Variants in CNOT4 observed in about 807,000 individuals in gnomAD.
CNOT4 encodes the protein CCR4-associated factor 4.
CNOT4 carries 8 observed loss-of-function variants against 73.8 expected under a neutral mutation model. That is an observed-to-expected ratio of 0.11 (90% CI 0.06 to 0.20). The LOEUF (loss-of-function observed/expected upper bound fraction) is 0.20. Ranked by LOEUF, CNOT4 falls within the 10% of genes least tolerant of loss-of-function variation. CNOT4 has a pLI of 1.00. For missense variants in CNOT4, 564 were observed against 883.4 expected (o/e 0.64, Z 4.58); for synonymous variants, 293 against 321.1 (o/e 0.91, Z 0.94).
At chr7:135,414,715 G>A (rs149875008) in intron 4 of CNOT4, among the ~76,000 whole-genome samples, 37 of 151,808 alleles carry the variant, frequency 2.4e-4, no homozygotes, top group African/African-American at 7.5e-4. Context: ...TGACAGGCTC[G>A]TCAAGGTTAT....
chr7:135,500,627 T>G (rs1236788776), intron 1 of CNOT4, among the ~76,000 whole-genome samples: 4 of 152,350 alleles, frequency 2.6e-5, no homozygotes, highest in South Asian at 4.1e-4. Context: ...AATCTCCCTG[T>G]ATACTTCCTC....
At chr7:135,444,726 G>A (rs1455476707) in intron 1 of CNOT4, 1 of 1,333,104 alleles carries the variant, frequency 7.5e-7, no homozygotes, top group East Asian at 2.3e-5. Context: ...CTCTGCGATG[G>A]GCTATTCCCT....
rs1339431562 is a variant in CNOT4, at chr7:135,472,453, G to A, written c.-92-34030C>T. On this transcript the variant is annotated intron_variant, in intron 1 of 11. Coordinates refer to ENST00000541284, the MANE Select transcript of CNOT4 (RefSeq NM_001190850.2). ...GATCATGCCACTGCACTCCAGCCCG[G>A]GCGACAGAGCGAGACACCGACTCAA... Among the ~76,000 whole-genome samples, 379 of 109,106 alleles carry A rather than the reference G, an allele frequency of 3.5e-3. 3 individuals are homozygous for A. Among genetic ancestry groups the A allele is most frequent in the African/African-American group, 0.013 (356 of 27,810 alleles). 71.6% of individuals were successfully genotyped at this position (109,106 alleles called of 152,430 possible).
At chr7:135,372,731 A>C (rs1795285382) in intron 10 of CNOT4, among the ~76,000 whole-genome samples, 1 of 152,008 alleles carries the variant, frequency 6.6e-6, no homozygotes, top group South Asian at 2.1e-4. Context: ...TAATTTTTGT[A>C]TTTTTAGTAG....
chr7:135,431,759 C>CA (rs11434074), intron 2 of CNOT4, among the ~76,000 whole-genome samples: 151,785 of 151,802 alleles, frequency 1, 75,884 homozygotes, highest in Middle Eastern at 1. Context: ...AAAAAAGAAA[C>CA]ATATCATGGG....
intron 10 of CNOT4, among the ~76,000 whole-genome samples, chr7:135,373,993 T>C (rs933517075): frequency 6.6e-6 from 1 of 152,206 alleles, no homozygotes; most frequent in Admixed American, 6.5e-5. Flanking sequence ...TTTGGGGGTA[T>C]TTTTCATGGG....
chr7:135,383,832 T>C (rs1795970024), intron 10 of CNOT4, among the ~76,000 whole-genome samples: 1 of 152,288 alleles, frequency 6.6e-6, no homozygotes, highest in African/African-American at 2.4e-5. Flanking sequence ...ACTCACACCA[T>C]TTCTTCACAG....
At chr7:135,396,107 CTTTTTTTTTTTTTTTTTTTT>C (rs71174519) in intron 8 of CNOT4, among the ~76,000 whole-genome samples, 1 of 95,432 alleles carries the variant, frequency 1.0e-5, no homozygotes, top group South Asian at 3.9e-4. Flanking sequence ...ACTAGTCTCC[CTTTTTTTTTTTTTTTTTTTT>C]TTTTTTTTGA....
chr7:135,369,091 AT>A (rs1156322005), intron 10 of CNOT4, among the ~76,000 whole-genome samples: 5 of 152,322 alleles, frequency 3.3e-5, no homozygotes, highest in East Asian at 3.9e-4. Context: ...AGGACAAGGC[AT>A]CCTTCCTTCC....
At chr7:135,426,374 G>A (rs748380398) in intron 2 of CNOT4, among the ~76,000 whole-genome samples, 12 of 151,988 alleles carry the variant, frequency 7.9e-5, no homozygotes, top group Non-Finnish European at 1.5e-4. Context: ...AGGCCAAGGC[G>A]GGCGGACCAC....
chr7:135,408,971 T>C (rs1255700815), intron 7 of CNOT4, among the ~76,000 whole-genome samples: 1 of 152,178 alleles, frequency 6.6e-6, no homozygotes, highest in East Asian at 1.9e-4. Flanking sequence ...TTTCCTTCAA[T>C]AAAAACATAT....
chr7:135,407,223 T>C (rs1189877710), intron 7 of CNOT4, among the ~76,000 whole-genome samples: 5 of 152,232 alleles, frequency 3.3e-5, no homozygotes, highest in Non-Finnish European at 7.3e-5. Flanking sequence ...TGCAGAACTG[T>C]GAGCCAAATG....
intron 1 of CNOT4, among the ~76,000 whole-genome samples, chr7:135,463,834 A>G (rs538465791): frequency 2.0e-5 from 3 of 152,086 alleles, no homozygotes; most frequent in African/African-American, 7.2e-5. Flanking sequence ...CAAATTTACA[A>G]GAGAAAAACA....
intron 1 of CNOT4, among the ~76,000 whole-genome samples, chr7:135,444,057 C>G (rs143752963): frequency 1.3e-5 from 2 of 151,936 alleles, no homozygotes; most frequent in East Asian, 3.9e-4. Flanking sequence ...GGAGGATCAC[C>G]TGAGCCAGGA....
intron 1 of CNOT4, among the ~76,000 whole-genome samples, chr7:135,502,583 A>G (rs560385032): frequency 0.012 from 1,771 of 151,884 alleles, 40 homozygotes; most frequent in African/African-American, 0.041. Flanking sequence ...GGGAGGCCGA[A>G]GCGGGCAGAT....
intron 7 of CNOT4, among the ~76,000 whole-genome samples, chr7:135,407,906 A>G (rs1261627670): frequency 6.6e-6 from 1 of 152,242 alleles, no homozygotes; most frequent in East Asian, 1.9e-4. Flanking sequence ...TGATCAACTG[A>G]TTGGGGAAGT....
intron 6 of CNOT4, 110 bp from the exon 7 acceptor site, chr7:135,410,758 T>G: frequency 6.1e-6 from 4 of 656,896 alleles, no homozygotes; most frequent in Non-Finnish European, 8.0e-6. Flanking sequence ...TAAATAATAT[T>G]TTTAAAAAAT....
At position 135,482,106 on chromosome 7, in the gene CNOT4, AAAT is replaced by A. The variant is rs1381232407; in HGVS notation, c.-93+27780_-93+27782del. Among the ~76,000 whole-genome samples the A allele has an allele frequency of 3.9e-5, 6 of 152,352 alleles. No homozygotes were observed. The East Asian group carries it at 1.2e-3, about 29-fold the overall frequency. ...AAAGAATTTTAAATGTTCCCAACAC[AAAT>A]AATAAATATTAAAGGTGATAGATAC... On this transcript the variant is annotated intron_variant, in intron 1 of 11. Transcript: ENST00000541284.
At chr7:135,505,288 C>T (rs919864789) in intron 1 of CNOT4, among the ~76,000 whole-genome samples, 1 of 152,294 alleles carries the variant, frequency 6.6e-6, no homozygotes, top group South Asian at 2.1e-4. Context: ...GGCACAGTGG[C>T]TCACACCTGT....
Sources: gnomAD v4.1 joint callset for allele counts (sites outside exome capture counted in the v4.1 genomes callset) on GRCh38, gnomAD v4.1.1 for gene constraint, MANE v1.5 for transcripts, NCBI Gene and HGNC (gene_info 2026-07-23, HGNC 2026-07-21) for gene names.